DOCK10: variants seen among roughly 807,000 people sequenced by gnomAD.
DOCK10 encodes dedicator of cytokinesis 10.
DOCK10 carries 145 observed loss-of-function variants against 280.1 expected under a neutral mutation model. The observed-to-expected ratio is 0.52, with a 90% CI of 0.45 to 0.59. The LOEUF is 0.59. Ranked by LOEUF, DOCK10 falls within the 20% of genes least tolerant of loss-of-function variation. DOCK10 has a pLI of 0.00. For missense variants in DOCK10, 2,368 were observed against 2,651.7 expected (o/e 0.89, Z 2.35); for synonymous variants, 915 against 942.2 (o/e 0.97, Z 0.53).
At chr2:224,947,493 C>G (rs113594037) in intron 1 of DOCK10, among the ~76,000 whole-genome samples, 3 of 152,104 alleles carry the variant, frequency 2.0e-5, no homozygotes, top group East Asian at 1.9e-4. Flanking sequence ...GTTTAGAGAA[C>G]AAGAAGAAGA....
rs186224270 is a variant in DOCK10 at position 224,805,611 on chromosome 2, A to G, written c.3815-82T>C. The G allele has an allele frequency of 2.1e-3, 3,218 of 1,561,420 alleles. 5 individuals carry two copies. The highest frequency in any genetic ancestry group is 2.6e-3 in the Admixed American group (152 of 58,320). Reference sequence around the variant, plus strand: ...CAAAAGGTTCACATGATGAACCAAAAAGATGTTGATACTGAGGTAGCAGCA... The same window carrying G: ...CAAAAGGTTCACATGATGAACCAAAGAGATGTTGATACTGAGGTAGCAGCA... On this transcript the variant is annotated intron_variant, in intron 34 of 55. Transcript: ENST00000258390. This position sits in a 1 kb window ranked among gnomAD's most constrained non-coding sequence, Gnocchi z 4.3.
intron 1 of DOCK10, among the ~76,000 whole-genome samples, chr2:225,040,169 C>A (rs1690380422): frequency 6.6e-6 from 1 of 152,302 alleles, no homozygotes; most frequent in Non-Finnish European, 1.5e-5. Flanking sequence ...GGATGCTCTA[C>A]ACCCACAGAA....
At chr2:224,893,624 T>C (rs1431760958) in intron 4 of DOCK10, 2 of 454,870 alleles carry the variant, frequency 4.4e-6, no homozygotes, top group South Asian at 3.3e-5. Flanking sequence ...AAGTCATCTA[T>C]TTCTTCAGTA....
At chr2:224,901,835 G>C (rs1700317181) in intron 3 of DOCK10, among the ~76,000 whole-genome samples, 6 of 152,198 alleles carry the variant, frequency 3.9e-5, no homozygotes, top group Admixed American at 3.9e-4. Flanking sequence ...GAGCCTTGGG[G>C]TCCTAGTTTC....
chr2:224,942,354 C>T (rs1332511331), intron 1 of DOCK10, among the ~76,000 whole-genome samples: 1 of 152,246 alleles, frequency 6.6e-6, no homozygotes, highest in African/African-American at 2.4e-5. Context: ...ATTGAATTCA[C>T]ATCCCCCGGT....
intron 14 of DOCK10, chr2:224,861,689 G>T (rs1350867551): frequency 6.6e-6 from 1 of 152,190 alleles, no homozygotes; most frequent in African/African-American, 2.4e-5. Flanking sequence ...GCTAAAGTTG[G>T]ATACATTGAG....
chr2:224,949,376 A>G (rs1703605275), intron 1 of DOCK10, among the ~76,000 whole-genome samples: 1 of 152,256 alleles, frequency 6.6e-6, no homozygotes, highest in African/African-American at 2.4e-5. Flanking sequence ...CAAGTTCATT[A>G]GAAAAGAAAT....
chr2:224,882,762 G>T (rs114063307), intron 7 of DOCK10, among the ~76,000 whole-genome samples: 126 of 152,238 alleles, frequency 8.3e-4, no homozygotes, highest in Non-Finnish European at 1.3e-3. Flanking sequence ...TTATTCATTT[G>T]CTCTGTGCTT....
At chr2:224,862,593 G>T (rs61745413) in intron 14 of DOCK10, 71 bp downstream of exon 14, 1 of 1,288,018 alleles carries the variant, frequency 7.8e-7, no homozygotes, top group Non-Finnish European at 1.1e-6. Flanking sequence ...ACACAAAAAC[G>T]TTCAAAACTG....
chr2:224,930,973 A>T (rs1381211245), intron 2 of DOCK10, among the ~76,000 whole-genome samples: 1 of 152,144 alleles, frequency 6.6e-6, no homozygotes, highest in African/African-American at 2.4e-5. Flanking sequence ...CTTTTCATTC[A>T]TTATCTCTAC....
intron 55 of DOCK10, among the ~76,000 whole-genome samples, chr2:224,769,165 C>A (rs1289478021): frequency 6.6e-6 from 1 of 152,200 alleles, no homozygotes; most frequent in Non-Finnish European, 1.5e-5. Context: ...TAAACCAATA[C>A]TACCTCCACG....
rs934155055 is a variant in DOCK10, at chr2:224,955,775, G to A, written c.124-24107C>T. On this transcript the variant is annotated intron_variant, in intron 1 of 55. Transcript: ENST00000258390. Reference sequence around the variant, plus strand: ...ATTCTTGACATTTTGAAGTCCAGTAGTTAAGGTCCCCAATTAAAGGGCAAA... The same window carrying A: ...ATTCTTGACATTTTGAAGTCCAGTAATTAAGGTCCCCAATTAAAGGGCAAA... 3.3e-5 allele frequency among the ~76,000 whole-genome samples: 5 copies of A among 152,318 alleles called. No homozygotes were observed. The South Asian group carries it at 1.0e-3, about 32-fold the overall frequency.
chr2:224,806,104 G>C lies in DOCK10; in HGVS notation c.3814+22C>G, dbSNP rs774064103. ...AGGTGGATGAGTGTTAAAAATAAGT[G>C]TTCTCAGAAGATCTCAAGTACCTGC... On this transcript the variant is annotated intron_variant, in intron 34 of 55. Transcript: ENST00000258390. 3 of 1,404,828 alleles carry C rather than the reference G, an allele frequency of 2.1e-6. No homozygotes were observed. In the Admixed American group the frequency reaches 5.4e-5, roughly 25 times the overall value. The allele number at this position is 1,404,828 out of a possible 1,614,324, so 87.0% of individuals were successfully genotyped here.
At chr2:224,909,492 G>T (rs183042145) in intron 3 of DOCK10, among the ~76,000 whole-genome samples, 50 of 152,290 alleles carry the variant, frequency 3.3e-4, no homozygotes, top group African/African-American at 1.1e-3. Flanking sequence ...CCAAAATGAA[G>T]GATACGTTCC....
At chr2:225,041,415 C>A (rs949938484) in intron 1 of DOCK10, among the ~76,000 whole-genome samples, 1 of 152,180 alleles carries the variant, frequency 6.6e-6, no homozygotes, top group African/African-American at 2.4e-5. Flanking sequence ...CACCTCTCCC[C>A]GGCAGTGTGG....
intron 1 of DOCK10, among the ~76,000 whole-genome samples, chr2:225,014,111 A>G: frequency 1.2e-5 from 1 of 85,440 alleles, no homozygotes; most frequent in South Asian, 4.8e-4. Flanking sequence ...TTTTTTTTTA[A>G]GAAATACAGG....
At chr2:225,024,725 T>C (rs1044556885) in intron 1 of DOCK10, among the ~76,000 whole-genome samples, 1 of 91,564 alleles carries the variant, frequency 1.1e-5, no homozygotes, top group Non-Finnish European at 2.4e-5. Flanking sequence ...CTACTAAAAA[T>C]ACAAAAAAAA....
intron 1 of DOCK10, among the ~76,000 whole-genome samples, chr2:224,994,986 T>C (rs1315650921): frequency 6.6e-6 from 1 of 152,156 alleles, no homozygotes; most frequent in Non-Finnish European, 1.5e-5. Context: ...ACTGGGCCCA[T>C]GGTCATCTGA....
chr2:224,975,795 A>T (rs1297373894), intron 1 of DOCK10, among the ~76,000 whole-genome samples: 1 of 152,204 alleles, frequency 6.6e-6, no homozygotes, highest in Non-Finnish European at 1.5e-5. Flanking sequence ...TTCTCAAAGT[A>T]CTTGAGCAGG....
Sources: gnomAD v4.1 joint callset for allele counts (sites outside exome capture counted in the v4.1 genomes callset) on GRCh38, gnomAD v4.1.1 for gene constraint, Gnocchi (gnomAD v3.1) non-coding constraint, MANE v1.5 for transcripts, NCBI Gene and HGNC (gene_info 2026-07-23, HGNC 2026-07-21) for gene names.